Variants in IFNGR1 observed in about 807,000 individuals in gnomAD.
IFNGR1 encodes the protein interferon gamma receptor 1.
In IFNGR1, 23 loss-of-function variants were observed where a neutral mutation model predicts 35.4. The observed-to-expected ratio is 0.65, with a 90% CI of 0.47 to 0.92. The LOEUF is 0.92. Ranked by LOEUF, IFNGR1 falls within the 40% of genes least tolerant of loss-of-function variation. IFNGR1 has a pLI of 0.00. For missense variants in IFNGR1, 533 were observed against 583.4 expected (o/e 0.91, Z 0.89); for synonymous variants, 199 against 209.5 (o/e 0.95, Z 0.43).
rs201526779 is a variant in IFNGR1 at position 137,204,435 on chromosome 6, G to C, written c.443C>G (p.Pro148Arg). The stretch of plus-strand genomic sequence containing the variant: ...CTCGTCTCCATTTACAAAAACTGAA[G>C]GGTGAAATATGTCAATCATGATTTG... The part of the protein sequence containing the change: ...EKQIMIDIFH[P>R]SVFVNGDEQE... The change falls in exon 4 of 7, where the codon CCT becomes CGT. Residue 148 changes from proline (P) to arginine (R), a missense_variant. Transcript: ENST00000367739. The C allele has an allele frequency of 1.5e-5, 25 of 1,613,822 alleles. No homozygotes were observed. In the East Asian group the frequency reaches 5.6e-4, roughly 36 times the overall value.
rs542051809 is a variant in IFNGR1, at chr6:137,201,608, G to A, written c.734-600C>T. ...GAATCGCTTGGACCTGGGAAGTGGA[G>A]GTAGCAGTGAGCTGAGATTGTGCCA... On this transcript the variant is annotated intron_variant, in intron 5 of 6. Coordinates refer to ENST00000367739, the MANE Select transcript of IFNGR1 (RefSeq NM_000416.3). Among the ~76,000 whole-genome samples the A allele has an allele frequency of 1.4e-4, 22 of 152,206 alleles. No individual in the cohort carries two copies. In the South Asian group the frequency reaches 3.3e-3, roughly 23 times the overall value.
intron 3 of IFNGR1, 96 bp downstream of exon 3, chr6:137,206,040 G>T: frequency 1.0e-6 from 1 of 993,962 alleles, no homozygotes; most frequent in Non-Finnish European, 1.6e-6. Context: ...TAAGCATTGT[G>T]ATAATTTTCA....
Position 137,198,408 on chromosome 6 carries a change from C to T in IFNGR1, c.1093G>A (p.Val365Met), listed in dbSNP as rs56403507. The T allele has an allele frequency of 8.6e-5, 138 of 1,613,932 alleles. No individual in the cohort carries two copies. The highest frequency in any genetic ancestry group is 1.6e-4 in the Middle Eastern group (1 of 6,084). ...GGAGTCAGATGGCTGCCCGGGACCA[C>T]GTCAGGAATATTTTCTTCAGTAGTC... is the stretch of plus-strand genomic sequence containing the variant. ...VVTTEENIPDVVPGSHLTPIE... is the reference protein window; with the variant it reads ...VVTTEENIPDMVPGSHLTPIE... Residue 365 changes from valine to methionine, a missense_variant, in exon 7 of 7, where the codon GTG becomes ATG. By Grantham distance (21) the Val-to-Met change is conservative. Transcript: ENST00000367739.
At chr6:137,212,992 T>C (rs1779610745) in intron 1 of IFNGR1, among the ~76,000 whole-genome samples, 1 of 152,184 alleles carries the variant, frequency 6.6e-6, no homozygotes, top group Admixed American at 6.5e-5. Flanking sequence ...GGAGAAACTG[T>C]GTGGTTATTA....
At chr6:137,199,542 A>T (rs28465001) in intron 6 of IFNGR1, among the ~76,000 whole-genome samples, 17 of 25,296 alleles carry the variant, frequency 6.7e-4, no homozygotes, top group East Asian at 2.7e-3. Context: ...TATAATATAT[A>T]TTATATAACA....
At chr6:137,206,812 A>C (rs1779441131) in intron 2 of IFNGR1, 151 bp downstream of exon 2, 1 of 632,004 alleles carries the variant, frequency 1.6e-6, no homozygotes, top group Admixed American at 3.0e-5. Context: ...ATATTTGGCA[A>C]AGAATTTGCA....
chr6:137,215,109 G>A (rs907371923), intron 1 of IFNGR1, among the ~76,000 whole-genome samples: 2 of 152,170 alleles, frequency 1.3e-5, no homozygotes, highest in Non-Finnish European at 2.9e-5. Context: ...CATCCATCCC[G>A]TGAGGGAGAC....
chr6:137,205,167 G>A, intron 3 of IFNGR1, among the ~76,000 whole-genome samples: 1 of 152,160 alleles, frequency 6.6e-6, no homozygotes, highest in East Asian at 1.9e-4. Context: ...GTAATCATAT[G>A]ACAAAATTGT....
chr6:137,199,061 G>A lies in IFNGR1; in HGVS notation c.862-422C>T, dbSNP rs75003374. Reference sequence around the variant, plus strand: ...AGCTGCCAGCATGGCTAGAATGTAAGCAGGCAGAAAAATGTGAAAAGAGAG... The same window carrying A: ...AGCTGCCAGCATGGCTAGAATGTAAACAGGCAGAAAAATGTGAAAAGAGAG... On this transcript the variant is annotated intron_variant, in intron 6 of 6. Transcript: ENST00000367739. 3.4e-3 allele frequency among the ~76,000 whole-genome samples: 514 copies of A among 151,878 alleles called. 10 individuals are homozygous for A. Among genetic ancestry groups the A allele is most frequent in the East Asian group, 0.034 (174 of 5,164 alleles).
At chr6:137,206,572 T>G (rs1779435064) in intron 2 of IFNGR1, 1 of 421,708 alleles carries the variant, frequency 2.4e-6, no homozygotes, top group Non-Finnish European at 4.2e-6. Context: ...AAAATCTGTT[T>G]TTTTAAACAA....
At position 137,197,865 on chromosome 6, in the gene IFNGR1, A is replaced by T; in HGVS notation, c.*166T>A. The T allele has an allele frequency of 1.2e-6, 1 of 857,478 alleles. No individual in the cohort carries two copies. Among genetic ancestry groups the T allele is most frequent in the Non-Finnish European group, 1.8e-6 (1 of 560,202 alleles). 53.1% of individuals were successfully genotyped at this position (857,478 alleles called of 1,614,324 possible). ...AAAAGTCTGTACTTTACAAGCCAAAAGTGAAAATGCCACACATCCTCTTTA... is the reference window on the plus strand; with the variant it reads ...AAAAGTCTGTACTTTACAAGCCAAATGTGAAAATGCCACACATCCTCTTTA... On this transcript the variant is annotated 3_prime_UTR_variant, in exon 7 of 7. Transcript: ENST00000367739.
intron 1 of IFNGR1, among the ~76,000 whole-genome samples, chr6:137,210,510 C>G (rs978393660): frequency 1.1e-4 from 17 of 152,114 alleles, no homozygotes; most frequent in African/African-American, 3.9e-4. Context: ...ACATGATTTA[C>G]TTATATAACT....
At chr6:137,214,741 C>G (rs1779651678) in intron 1 of IFNGR1, among the ~76,000 whole-genome samples, 1 of 152,132 alleles carries the variant, frequency 6.6e-6, no homozygotes, top group African/African-American at 2.4e-5. Flanking sequence ...GAAGTCATTT[C>G]TCAACACTAA....
At chr6:137,207,425 A>G (rs1290635113) in intron 1 of IFNGR1, among the ~76,000 whole-genome samples, 1 of 152,200 alleles carries the variant, frequency 6.6e-6, no homozygotes, top group Non-Finnish European at 1.5e-5. Context: ...AGAATTTTCA[A>G]TATTTGATAC....
At position 137,219,337 on chromosome 6, in the gene IFNGR1, G is replaced by C; in HGVS notation, c.-10C>G. ...GAAAGAGGAGAGCCATGCTGCTACC[G>C]ACGGTCGCTGGCTCCAACCCCGAGC... On this transcript the variant is annotated 5_prime_UTR_variant, in exon 1 of 7. Coordinates refer to ENST00000367739, the MANE Select transcript of IFNGR1 (RefSeq NM_000416.3). 5 of 1,597,854 alleles carry C rather than the reference G, an allele frequency of 3.1e-6. No homozygotes were observed. The highest frequency in any genetic ancestry group is 1.1e-5 in the South Asian group (1 of 88,246).
At chr6:137,206,407 G>A (rs917510711) in intron 2 of IFNGR1, 99 bp from the exon 3 acceptor site, 46 of 866,528 alleles carry the variant, frequency 5.3e-5, no homozygotes, top group Admixed American at 3.1e-4. Flanking sequence ...AGCACAAAGC[G>A]GTAGAAAGAG....
rs11575931 is a variant in IFNGR1 at position 137,219,280 on chromosome 6, C to A, written c.48G>T (p.Arg16Ser). 6.2e-7 allele frequency: 1 copy of A among 1,611,996 alleles called. No individual in the cohort carries two copies. Among genetic ancestry groups the A allele is most frequent in the Non-Finnish European group, 8.5e-7 (1 of 1,179,272 alleles). ...LLPLVMQGVS[R>S]AEMGTADLGP... ...CCAGATCCGCGGTGCCCATCTCAGC[C>A]CTGCTCACACCCTGCATGACAAGGG... The change falls in exon 1 of 7, where the codon AGG (arginine) becomes AGT (serine). Residue 16 changes from arginine (R) to serine (S), a missense_variant. Arg to Ser is a moderately radical substitution (Grantham distance 110, BLOSUM62 -1). Transcript: ENST00000367739.
chr6:137,216,064 A>T (rs1193800053), intron 1 of IFNGR1, among the ~76,000 whole-genome samples: 1 of 152,248 alleles, frequency 6.6e-6, no homozygotes, highest in Non-Finnish European at 1.5e-5. Flanking sequence ...ATTATGAATC[A>T]GAATAAAATG....
chr6:137,200,786 T>C, intron 6 of IFNGR1, 95 bp downstream of exon 6: 3 of 1,067,330 alleles, frequency 2.8e-6, no homozygotes, highest in Non-Finnish European at 2.7e-6. Flanking sequence ...GACATCTTGT[T>C]GAATATCATT....
Sources: allele counts gnomAD v4.1 joint callset (sites outside exome capture counted in the v4.1 genomes callset), GRCh38; gene constraint gnomAD v4.1.1; transcripts MANE v1.5; gene names NCBI Gene and HGNC (gene_info 2026-07-23, HGNC 2026-07-21).